Variants in TMEM132C observed in about 807,000 individuals in gnomAD.
TMEM132C encodes the protein protein phosphatase 1, regulatory subunit 152.
A neutral mutation model predicts 61.4 loss-of-function variants in TMEM132C; 29 were observed. That is an observed-to-expected ratio of 0.47 (90% confidence interval 0.35 to 0.64). The LOEUF is 0.64. Ranked by LOEUF, TMEM132C falls within the 30% of genes least tolerant of loss-of-function variation. The pLI is 0.00. For synonymous variants in TMEM132C, 656 were observed against 633.1 expected, an observed-to-expected ratio of 1.04 and a Z score of -0.54; for missense variants, 1,408 against 1,476.9, an observed-to-expected ratio of 0.95 and a Z score of 0.76.
intron 1 of TMEM132C, among the ~76,000 whole-genome samples, chr12:128,343,896 A>G (rs752229102): frequency 4.8e-4 from 73 of 152,350 alleles, no homozygotes; most frequent in Middle Eastern, 3.4e-3. Context: ...AAAACTTCAT[A>G]CAACACAATA....
chr12:128,574,888 A>G (rs1394464774), intron 3 of TMEM132C, among the ~76,000 whole-genome samples: 1 of 152,064 alleles, frequency 6.6e-6, no homozygotes, highest in African/African-American at 2.4e-5. Context: ...ACATATTTCC[A>G]TTATCTGACT....
intron 1 of TMEM132C, among the ~76,000 whole-genome samples, chr12:128,295,263 C>A (rs1481022397): frequency 6.6e-6 from 1 of 152,124 alleles, no homozygotes; most frequent in Non-Finnish European, 1.5e-5. Context: ...CCTCGAACTC[C>A]TGGCCTCAAG....
At chr12:128,316,153 G>A (rs562333788) in intron 1 of TMEM132C, among the ~76,000 whole-genome samples, 21 of 152,028 alleles carry the variant, frequency 1.4e-4, no homozygotes, top group Non-Finnish European at 2.6e-4. Flanking sequence ...CTTACATAGC[G>A]TAAGAAGGCA....
chr12:128,327,596 G>A (rs1228910804), intron 1 of TMEM132C, among the ~76,000 whole-genome samples: 2 of 152,070 alleles, frequency 1.3e-5, no homozygotes, highest in Non-Finnish European at 1.5e-5. Flanking sequence ...TGTTAGCCAG[G>A]ATGGTCTCGA....
chr12:128,508,201 G>A (rs528270340), intron 2 of TMEM132C, among the ~76,000 whole-genome samples: 17 of 152,290 alleles, frequency 1.1e-4, no homozygotes, highest in African/African-American at 2.4e-4. Context: ...AGGCAGAGGC[G>A]AAAGCGGAAA....
chr12:128,663,996 TCACA>T (rs1238353657), intron 4 of TMEM132C, among the ~76,000 whole-genome samples: 1 of 103,962 alleles, frequency 9.6e-6, no homozygotes, highest in Non-Finnish European at 2.0e-5. Context: ...ACGCGGGCAC[TCACA>T]CAGGCACACA....
intron 3 of TMEM132C, among the ~76,000 whole-genome samples, chr12:128,600,068 C>T (rs1441693335): frequency 4.6e-5 from 7 of 152,146 alleles, no homozygotes; most frequent in African/African-American, 1.7e-4. Context: ...CTGCAAGCTC[C>T]GCCTCCCGGG....
At chr12:128,359,494 G>A (rs773694148) in intron 1 of TMEM132C, among the ~76,000 whole-genome samples, 21 of 152,156 alleles carry the variant, frequency 1.4e-4, no homozygotes, top group Admixed American at 3.3e-4. Flanking sequence ...TTTGGGTGGC[G>A]ACACAGCCAA....
chr12:128,697,468 T>C (rs1341888898), intron 8 of TMEM132C, 53 bp downstream of exon 8: 20 of 1,469,392 alleles, frequency 1.4e-5, no homozygotes, highest in Non-Finnish European at 1.7e-5. Flanking sequence ...CCACTGTGCC[T>C]GCTTCAGCAA....
At chr12:128,670,960 A>AT (rs913836854) in intron 5 of TMEM132C, among the ~76,000 whole-genome samples, 1 of 152,148 alleles carries the variant, frequency 6.6e-6, no homozygotes, top group Non-Finnish European at 1.5e-5. Context: ...GCAAATTCTA[A>AT]TTTTTTTTAA....
At chr12:128,452,579 G>T (rs185895802) in intron 2 of TMEM132C, among the ~76,000 whole-genome samples, 150 of 151,060 alleles carry the variant, frequency 9.9e-4, no homozygotes, top group East Asian at 7.4e-3. Context: ...TGCTGTTGGT[G>T]GGGGGGTTGT....
intron 1 of TMEM132C, chr12:128,288,872 C>G (rs927761644): frequency 6.6e-6 from 1 of 152,616 alleles, no homozygotes; most frequent in African/African-American, 2.4e-5. Context: ...CCCTTGATTT[C>G]CCCAGGACAG....
rs186542777 is a variant in TMEM132C at position 128,437,133 on chromosome 12, C to T, written c.974+21513C>T. Among the ~76,000 whole-genome samples, 240 of 152,080 alleles carry T rather than the reference C, an allele frequency of 1.6e-3. 1 individual carries two copies. The highest frequency in any genetic ancestry group is 6.8e-3 in the Middle Eastern group (2 of 294). On this transcript the variant is annotated intron_variant, in intron 2 of 8. Transcript: ENST00000435159. Reference sequence around the variant, plus strand: ...GACACAGGGCGGGGAACATCACACACTGGGGCATGTCATGTGGTGGGGGGC... The same window carrying T: ...GACACAGGGCGGGGAACATCACACATTGGGGCATGTCATGTGGTGGGGGGC...
Position 128,697,395 on chromosome 12 carries a change from G to A in TMEM132C, c.2101G>A (p.Val701Met). 1 of 1,542,700 alleles carries A rather than the reference G, an allele frequency of 6.5e-7. No homozygotes were observed. Among genetic ancestry groups the A allele is most frequent in the Non-Finnish European group, 8.8e-7 (1 of 1,140,022 alleles). The part of the protein sequence containing the change: ...AVTAVVTAEE[V>M]LRTPKQEAVF... The stretch of plus-strand genomic sequence containing the variant: ...AACAGCTGTGGTCACAGCTGAGGAG[G>A]TGCTGCGGACCCCCAAACAGGTAGG... Residue 701 changes from valine to methionine, a missense_variant, in exon 8 of 9, where the codon GTG becomes ATG. By Grantham distance (21) the Val-to-Met change is conservative. Transcript: ENST00000435159.
chr12:128,402,628 C>G (rs758941797), intron 1 of TMEM132C, among the ~76,000 whole-genome samples: 2 of 122,600 alleles, frequency 1.6e-5, no homozygotes, highest in South Asian at 2.8e-4. Context: ...CACCTGCAGA[C>G]GGACCTCGGT....
intron 5 of TMEM132C, among the ~76,000 whole-genome samples, chr12:128,670,020 A>G (rs1954516134): frequency 1.3e-5 from 2 of 152,202 alleles, no homozygotes; most frequent in Admixed American, 1.3e-4. Context: ...TGTGATGAGA[A>G]CTTAATCTAC....
At position 128,414,888 on chromosome 12, in the gene TMEM132C, T is replaced by A; in HGVS notation, c.242T>A (p.Val81Glu). The change falls in exon 2 of 9, where the codon GTG (valine) becomes GAG (glutamate). Residue 81 changes from valine to glutamate, a missense_variant. Transcript: ENST00000435159. ...CGGAACTCCAGCCTGCAGGCGAGGG[T>A]GGAGTCCTTCTTTACCTACAAAACC... is the stretch of plus-strand genomic sequence containing the variant. ...LLRNSSLQARVESFFTYKTRQ... is the reference protein window; with the variant it reads ...LLRNSSLQAREESFFTYKTRQ... The A allele has an allele frequency of 2.6e-6, 4 of 1,551,570 alleles. No homozygotes were observed. Among genetic ancestry groups the A allele is most frequent in the Non-Finnish European group, 3.5e-6 (4 of 1,147,082 alleles).
intron 1 of TMEM132C, among the ~76,000 whole-genome samples, chr12:128,381,335 T>G (rs942410381): frequency 6.6e-6 from 1 of 152,178 alleles, no homozygotes; most frequent in African/African-American, 2.4e-5. Flanking sequence ...ATCCATCTGG[T>G]GGAGCAGAGT....
At chr12:128,321,764 G>T (rs925403094) in intron 1 of TMEM132C, among the ~76,000 whole-genome samples, 1 of 152,184 alleles carries the variant, frequency 6.6e-6, no homozygotes, top group Non-Finnish European at 1.5e-5. Context: ...GAGAGTCCAT[G>T]AGATCTCTTT....
Sources: allele counts gnomAD v4.1 joint callset (sites outside exome capture counted in the v4.1 genomes callset), GRCh38; gene constraint gnomAD v4.1.1; transcripts MANE v1.5; gene names NCBI Gene and HGNC (gene_info 2026-07-23, HGNC 2026-07-21).